DCDC1: variants seen among roughly 807,000 people sequenced by gnomAD.
DCDC1 encodes doublecortin domain containing 1, also known as doublecortin domain-containing protein 1.
DCDC1 carries 200 observed loss-of-function variants against 178.3 expected under a neutral mutation model. The ratio of observed to expected loss-of-function variants is 1.12; its 90% CI spans 1.00 to 1.26. The LOEUF is 1.26. Ranked by LOEUF, DCDC1 falls within the 50% of genes most tolerant of loss-of-function variation. The pLI is 0.00. For synonymous variants in DCDC1, 690 were observed against 604.8 expected (o/e 1.14, Z -2.07); for missense variants, 1,983 against 1,749.2 (o/e 1.13, Z -2.38).
chr11:31,188,954 G>C (rs1969823803), intron 9 of DCDC1, among the ~76,000 whole-genome samples: 1 of 152,086 alleles, frequency 6.6e-6, no homozygotes, highest in African/African-American at 2.4e-5. Flanking sequence ...TTTTATGAGA[G>C]ACCTAAAGCC....
chr11:31,284,227 C>T (rs923806866), intron 7 of DCDC1, among the ~76,000 whole-genome samples: 3 of 152,016 alleles, frequency 2.0e-5, no homozygotes, highest in African/African-American at 7.2e-5. Context: ...TAAGACAGGA[C>T]ACATTAGGAA....
At chr11:31,361,634 C>T (rs1489004247) in intron 1 of DCDC1, among the ~76,000 whole-genome samples, 3 of 152,256 alleles carry the variant, frequency 2.0e-5, no homozygotes, top group African/African-American at 7.2e-5. Context: ...GCATGCACCA[C>T]CACACCCGGC....
chr11:30,963,909 C>A (rs986861065), intron 20 of DCDC1, among the ~76,000 whole-genome samples: 2 of 152,056 alleles, frequency 1.3e-5, no homozygotes, highest in South Asian at 2.1e-4. Flanking sequence ...GGGAAATTTT[C>A]ATGTGTTTCT....
chr11:30,892,354 C>G (rs566564005), intron 36 of DCDC1, among the ~76,000 whole-genome samples: 36 of 152,060 alleles, frequency 2.4e-4, no homozygotes, highest in African/African-American at 8.2e-4. Flanking sequence ...TTAGACAGAA[C>G]ATATCTAGTA....
At chr11:31,019,970 C>G (rs562529937) in intron 20 of DCDC1, among the ~76,000 whole-genome samples, 1 of 152,058 alleles carries the variant, frequency 6.6e-6, no homozygotes, top group Non-Finnish European at 1.5e-5. Flanking sequence ...TGCTGTATAA[C>G]GCACCTCATT....
chr11:31,090,659 G>A (rs921438407), intron 17 of DCDC1, among the ~76,000 whole-genome samples: 7 of 152,128 alleles, frequency 4.6e-5, no homozygotes, highest in African/African-American at 1.7e-4. Context: ...TGCTTTGCAA[G>A]TTAGAGAAAA....
intron 9 of DCDC1, among the ~76,000 whole-genome samples, chr11:31,211,540 G>A (rs150096891): frequency 1.3e-5 from 2 of 152,184 alleles, no homozygotes; most frequent in Admixed American, 1.3e-4. Context: ...TTCCTGAATC[G>A]AGATTACATG....
At chr11:31,079,061 A>G (rs955739067) in intron 17 of DCDC1, among the ~76,000 whole-genome samples, 5 of 152,178 alleles carry the variant, frequency 3.3e-5, no homozygotes, top group African/African-American at 1.2e-4. Flanking sequence ...TGATAGAAGC[A>G]TCTTTTGTCC....
At chr11:30,896,119 C>T (rs273566) in intron 34 of DCDC1, among the ~76,000 whole-genome samples, 22,740 of 152,104 alleles carry the variant, frequency 0.15, 1,977 homozygotes, top group African/African-American at 0.22. Context: ...AGATTTTAGT[C>T]TGGGGAAAGG....
intron 20 of DCDC1, among the ~76,000 whole-genome samples, chr11:30,963,660 A>G (rs907172810): frequency 2.0e-5 from 3 of 152,128 alleles, no homozygotes; most frequent in African/African-American, 7.2e-5. Context: ...GGTGGGAGCC[A>G]CATGATAAGA....
At chr11:31,182,369 C>T (rs916314011) in intron 9 of DCDC1, among the ~76,000 whole-genome samples, 1 of 152,210 alleles carries the variant, frequency 6.6e-6, no homozygotes, top group Admixed American at 6.5e-5. Flanking sequence ...ATCAGACTAA[C>T]AGCAGATCTC....
intron 9 of DCDC1, among the ~76,000 whole-genome samples, chr11:31,211,570 T>C (rs1376745555): frequency 6.6e-6 from 1 of 152,198 alleles, no homozygotes; most frequent in Non-Finnish European, 1.5e-5. Flanking sequence ...CTTACAGACA[T>C]GCCTAGATAC....
chr11:31,131,598 G>A (rs1011266204), intron 10 of DCDC1, among the ~76,000 whole-genome samples: 4 of 152,142 alleles, frequency 2.6e-5, no homozygotes, highest in African/African-American at 9.7e-5. Context: ...TACAGGACAG[G>A]TGGCTTGCAT....
chr11:31,280,897 C>T (rs1591630468), intron 7 of DCDC1: 1 of 640,364 alleles, frequency 1.6e-6, no homozygotes, highest in Non-Finnish European at 3.0e-6. Context: ...GGAGATTAGG[C>T]CCAGTCTTGT....
intron 20 of DCDC1, among the ~76,000 whole-genome samples, chr11:31,028,784 G>A (rs1305506740): frequency 6.6e-6 from 1 of 151,984 alleles, no homozygotes; most frequent in African/African-American, 2.4e-5. Flanking sequence ...CATTCTGTGT[G>A]TGATTAATGA....
intron 3 of DCDC1, among the ~76,000 whole-genome samples, chr11:31,323,321 C>G (rs1056225855): frequency 1.3e-5 from 2 of 152,178 alleles, no homozygotes; most frequent in Non-Finnish European, 2.9e-5. Flanking sequence ...ATGACAGTTG[C>G]CAAGGATTTG....
intron 6 of DCDC1, among the ~76,000 whole-genome samples, chr11:31,299,292 A>AT (rs11422749): frequency 0.072 from 10,931 of 152,264 alleles, 560 homozygotes; most frequent in Non-Finnish European, 0.11. Context: ...CTAGTCTGAC[A>AT]TATCATTTGA....
intron 13 of DCDC1, among the ~76,000 whole-genome samples, chr11:31,105,664 C>A (rs1371834455): frequency 6.6e-6 from 1 of 151,912 alleles, no homozygotes; most frequent in Non-Finnish European, 1.5e-5. Context: ...AATTACACAG[C>A]CTAAGAAATC....
intron 1 of DCDC1, among the ~76,000 whole-genome samples, chr11:31,342,328 T>A (rs370254600): frequency 3.3e-5 from 5 of 152,220 alleles, no homozygotes; most frequent in Non-Finnish European, 5.9e-5. Flanking sequence ...TCTCTTGCAC[T>A]TTCTAACTAT....
Sources: allele counts gnomAD v4.1 joint callset (sites outside exome capture counted in the v4.1 genomes callset), GRCh38; gene constraint gnomAD v4.1.1; transcripts MANE v1.5; gene names NCBI Gene and HGNC (gene_info 2026-07-23, HGNC 2026-07-21).